CDH18: variants seen among roughly 807,000 people sequenced by gnomAD.
CDH18 encodes the protein cadherin-18.
In CDH18, 31 loss-of-function variants were observed where a neutral mutation model predicts 67.9. The observed-to-expected ratio is 0.46, with a 90% CI of 0.34 to 0.62. CDH18 has a LOEUF of 0.62. Ranked by LOEUF, CDH18 falls within the 20% of genes least tolerant of loss-of-function variation. The probability of loss-of-function intolerance (pLI) is 0.01; values close to 1 mark genes in which losing one functional copy is unlikely to be tolerated. For synonymous variants in CDH18, 362 were observed against 347.2 expected, an observed-to-expected ratio of 1.04 and a Z score of -0.48; for missense variants, 890 against 975.5, an observed-to-expected ratio of 0.91 and a Z score of 1.17.
chr5:20,077,524 CA>C (rs1744055918), intron 2 of CDH18, among the ~76,000 whole-genome samples: 1 of 151,984 alleles, frequency 6.6e-6, no homozygotes, highest in Admixed American at 6.6e-5. Context: ...TGTGAAATGC[CA>C]AAAATACAAC....
chr5:20,483,599 G>C (rs2126326838), intron 1 of CDH18, among the ~76,000 whole-genome samples: 1 of 150,150 alleles, frequency 6.7e-6, no homozygotes, highest in Admixed American at 6.6e-5. Context: ...TCAGAATAGA[G>C]AACCTAGATA....
At chr5:19,785,078 C>G (rs1457856734) in intron 3 of CDH18, among the ~76,000 whole-genome samples, 2 of 152,108 alleles carry the variant, frequency 1.3e-5, no homozygotes, top group East Asian at 3.9e-4. Flanking sequence ...GTAACCCAAC[C>G]ACCTCAGGCA....
intron 3 of CDH18, among the ~76,000 whole-genome samples, chr5:19,837,971 T>C (rs1781869780): frequency 6.6e-6 from 1 of 152,138 alleles, no homozygotes; most frequent in African/African-American, 2.4e-5. Context: ...TCCTAGAGCC[T>C]AGATGACACA....
chr5:19,502,497 C>T (rs866275727), intron 11 of CDH18, among the ~76,000 whole-genome samples: 10 of 152,202 alleles, frequency 6.6e-5, no homozygotes, highest in African/African-American at 1.9e-4. Context: ...CCAAAATATG[C>T]TGCATACTTC....
intron 1 of CDH18, among the ~76,000 whole-genome samples, chr5:20,433,783 T>G (rs988896484): frequency 6.6e-6 from 1 of 151,600 alleles, no homozygotes; most frequent in African/African-American, 2.4e-5. Flanking sequence ...AGCAGGAAAA[T>G]GTAAAGAAAA....
rs186511397 is a variant in CDH18, at chr5:19,739,145, T to C, written c.523+7797A>G. Among the ~76,000 whole-genome samples, 299 of 152,320 alleles carry C rather than the reference T, an allele frequency of 2.0e-3. 1 individual carries two copies. The highest frequency in any genetic ancestry group is 0.01 in the Middle Eastern group (3 of 294). On this transcript the variant is annotated intron_variant, in intron 4 of 12. Transcript: ENST00000382275. Reference sequence around the variant, plus strand: ...AGAGCCAATATTTCTAAGAAATCTTTCCTCTAGACGTAATTGTAGGTGGAA... The same window carrying C: ...AGAGCCAATATTTCTAAGAAATCTTCCCTCTAGACGTAATTGTAGGTGGAA...
intron 2 of CDH18, among the ~76,000 whole-genome samples, chr5:20,055,071 A>G (rs1323228755): frequency 1.3e-5 from 2 of 151,618 alleles, no homozygotes; most frequent in East Asian, 4.2e-4. Context: ...CACAGTAAGT[A>G]GTCATTTTTT....
At chr5:20,135,805 T>C (rs1488846282) in intron 2 of CDH18, among the ~76,000 whole-genome samples, 1 of 152,200 alleles carries the variant, frequency 6.6e-6, no homozygotes. Flanking sequence ...TTGTTCTCAT[T>C]GGTTTGAAAT....
chr5:20,477,877 T>C (rs1255905289), intron 1 of CDH18, among the ~76,000 whole-genome samples: 2 of 151,852 alleles, frequency 1.3e-5, no homozygotes, highest in African/African-American at 4.8e-5. Flanking sequence ...AGAGGACAGA[T>C]TAAGAAGAAT....
At chr5:19,540,121 T>C (rs567686306) in intron 9 of CDH18, among the ~76,000 whole-genome samples, 29 of 146,466 alleles carry the variant, frequency 2.0e-4, no homozygotes, top group African/African-American at 5.7e-4. Context: ...TAAGTAAATA[T>C]AGCCATTCCA....
chr5:20,261,328 T>C (rs1744631657), intron 1 of CDH18, among the ~76,000 whole-genome samples: 2 of 152,218 alleles, frequency 1.3e-5, no homozygotes, highest in African/African-American at 2.4e-5. Context: ...ATAGAGCACT[T>C]ACAAATTATA....
intron 2 of CDH18, among the ~76,000 whole-genome samples, chr5:20,152,304 CAAATT>C (rs1270649678): frequency 1.4e-5 from 2 of 147,230 alleles, no homozygotes; most frequent in South Asian, 2.1e-4. Flanking sequence ...GGCTTGAAAA[CAAATT>C]AAAACACTAT....
intron 3 of CDH18, among the ~76,000 whole-genome samples, chr5:19,762,990 T>C (rs1331432923): frequency 6.6e-6 from 1 of 152,074 alleles, no homozygotes; most frequent in Non-Finnish European, 1.5e-5. Flanking sequence ...CAGCAAACTA[T>C]TGCAAGAACA....
intron 5 of CDH18, among the ~76,000 whole-genome samples, chr5:19,686,972 T>C (rs1761180495): frequency 6.6e-6 from 1 of 152,060 alleles, no homozygotes. Flanking sequence ...AAAACCAACA[T>C]GACAAGTGGA....
Position 19,696,225 on chromosome 5 carries a change from A to ATGTGTGTGTG in CDH18, c.643+25112_643+25121dup, listed in dbSNP as rs1192392126. On this transcript the variant is annotated intron_variant, in intron 5 of 12. Transcript: ENST00000382275. ...TTTATATGCAGTCTGCACCAAATAT[A>ATGTGTGTGTG]TGTGTGTGTGTGTGTGTGTGTGTGT... is the stretch of plus-strand genomic sequence containing the variant. Among the ~76,000 whole-genome samples, 234 of 75,104 alleles carry ATGTGTGTGTG rather than the reference A, an allele frequency of 3.1e-3. 2 individuals carry two copies. The highest frequency in any genetic ancestry group is 8.4e-3 in the African/African-American group (212 of 25,324). The allele number at this position is 75,104 out of a possible 152,430, so 49.3% of individuals were successfully genotyped here. A position where few individuals can be genotyped will look rare whatever the true frequency, so the allele number is the denominator to read the frequency against.
At chr5:19,822,207 C>A (rs1307186205) in intron 3 of CDH18, among the ~76,000 whole-genome samples, 1 of 152,282 alleles carries the variant, frequency 6.6e-6, no homozygotes, top group East Asian at 1.9e-4. Flanking sequence ...GACCATCCAT[C>A]TTTTGGCTTC....
intron 1 of CDH18, among the ~76,000 whole-genome samples, chr5:20,409,404 T>C (rs1746575692): frequency 6.6e-6 from 1 of 151,692 alleles, no homozygotes; most frequent in Non-Finnish European, 1.5e-5. Context: ...TTAAACAATA[T>C]ACATTTGAAC....
intron 1 of CDH18, among the ~76,000 whole-genome samples, chr5:20,478,405 A>G (rs747419125): frequency 1.3e-5 from 2 of 152,208 alleles, no homozygotes; most frequent in Non-Finnish European, 2.9e-5. Context: ...GCCTGACAGC[A>G]TTCATCACAA....
intron 2 of CDH18, among the ~76,000 whole-genome samples, chr5:20,134,580 C>T (rs1034153889): frequency 6.6e-6 from 1 of 152,104 alleles, no homozygotes; most frequent in African/African-American, 2.4e-5. Context: ...TCCACCTGGT[C>T]CCTTCCGTGA....
Sources: gnomAD v4.1 joint callset for allele counts (sites outside exome capture counted in the v4.1 genomes callset) on GRCh38, gnomAD v4.1.1 for gene constraint, MANE v1.5 for transcripts, NCBI Gene and HGNC (gene_info 2026-07-23, HGNC 2026-07-21) for gene names.